The following DNAH14 variants were observed in gnomAD, a reference collection of about 807,000 sequenced individuals.
DNAH14 encodes the protein dynein axonemal heavy chain 14.
In DNAH14, 478 loss-of-function variants were observed where a neutral mutation model predicts 520.9. The ratio of observed to expected loss-of-function variants is 0.92; its 90% confidence interval spans 0.85 to 0.99. The LOEUF (loss-of-function observed/expected upper bound fraction) is 0.99, where lower values mean the gene tolerates loss of function less well. Ranked by LOEUF, DNAH14 falls within the 50% of genes least tolerant of loss-of-function variation. The probability of loss-of-function intolerance (pLI) is 0.00; values close to 1 mark genes in which losing one functional copy is unlikely to be tolerated. For synonymous variants in DNAH14, 1,581 were observed against 1,757.2 expected, an observed-to-expected ratio of 0.90 and a Z score of 2.51; for missense variants, 4,831 against 5,234.5, an observed-to-expected ratio of 0.92 and a Z score of 2.38.
In DNAH14 at chr1:224,964,551, C is replaced by T. The variant is rs41267349; in HGVS notation, c.440C>T (p.Pro147Leu). Residue 147 changes from proline to leucine, a missense_variant, in exon 5 of 86, where the codon CCG becomes CTG. By Grantham distance (98) the Pro-to-Leu change is moderately conservative (BLOSUM62 -3). Coordinates refer to ENST00000682510, the MANE Select transcript of DNAH14 (RefSeq NM_001367479.1). ...REKLGWQTIL[P>L]QHSLKYGSSK... The stretch of plus-strand genomic sequence containing the variant: ...AAGCTTGGTTGGCAAACTATATTAC[C>T]GCAGCACAGTTTGAAATACGGAAGC... 12,218 of 1,608,164 alleles carry T rather than the reference C, an allele frequency of 7.6e-3. 68 individuals carry two copies. The highest frequency in any genetic ancestry group is 8.9e-3 in the Non-Finnish European group (10,467 of 1,176,598).
In DNAH14 at chr1:225,340,708, C is replaced by A; in HGVS notation, c.10678+7C>A. On this transcript the variant is annotated splice_region_variant and intron_variant, in intron 69 of 85. Transcript: ENST00000682510. ...TTACTGCAGAAAGCACTAGGTAAGT[C>A]AAGATATTTAGTGATAGTAAGAGAT... is the stretch of plus-strand genomic sequence containing the variant. 3 of 1,549,576 alleles carry A rather than the reference C, an allele frequency of 1.9e-6. No individual in the cohort carries two copies. The South Asian group carries it at 3.6e-5, about 19-fold the overall frequency.
intron 8 of DNAH14, among the ~76,000 whole-genome samples, chr1:224,982,544 G>T (rs1237321674): frequency 6.6e-6 from 1 of 152,140 alleles, no homozygotes; most frequent in Non-Finnish European, 1.5e-5. Flanking sequence ...TAGACGGTCT[G>T]TTTGTGCTCT....
intron 9 of DNAH14, among the ~76,000 whole-genome samples, chr1:225,006,235 C>T (rs1223338707): frequency 1.3e-5 from 2 of 152,136 alleles, no homozygotes; most frequent in African/African-American, 4.8e-5. Flanking sequence ...TGTATGTCCC[C>T]TCAGGACCCT....
At chr1:225,037,600 G>A (rs1014435716) in intron 11 of DNAH14, among the ~76,000 whole-genome samples, 8 of 152,112 alleles carry the variant, frequency 5.3e-5, no homozygotes, top group African/African-American at 1.9e-4. Context: ...TTGAAAAATT[G>A]TAGTTCTTTT....
intron 21 of DNAH14, among the ~76,000 whole-genome samples, chr1:225,089,495 A>G (rs12088181): frequency 0.18 from 26,945 of 145,718 alleles, 5,455 homozygotes; most frequent in African/African-American, 0.51. Flanking sequence ...GAAAAGAAAA[A>G]AGAAAACAGA....
In DNAH14 at chr1:225,123,524, T is replaced by C. The variant is rs2077450789; in HGVS notation, c.4167-3T>C. 2.4e-6 allele frequency: 1 copy of C among 412,148 alleles called. No homozygotes were observed. The highest frequency in any genetic ancestry group is 5.0e-6 in the Non-Finnish European group (1 of 199,246). The allele number at this position is 412,148 out of a possible 1,614,324, so 25.5% of individuals were successfully genotyped here. On this transcript the variant is annotated splice_polypyrimidine_tract_variant and splice_region_variant and intron_variant, in intron 26 of 85. Coordinates refer to ENST00000682510, the MANE Select transcript of DNAH14 (RefSeq NM_001367479.1). Reference sequence around the variant, plus strand: ...TAACATAAATAAATTTTTTAATTTGTAGATTTTTAAGTCAAGGGATTGAAG... The same window carrying C: ...TAACATAAATAAATTTTTTAATTTGCAGATTTTTAAGTCAAGGGATTGAAG...
At chr1:225,130,465 T>A (rs1349406048) in intron 27 of DNAH14, among the ~76,000 whole-genome samples, 2 of 151,974 alleles carry the variant, frequency 1.3e-5, no homozygotes, top group Non-Finnish European at 2.9e-5. Flanking sequence ...GTGGCACATA[T>A]ACACCATGGA....
chr1:225,079,864 G>A (rs1026948174), intron 18 of DNAH14, among the ~76,000 whole-genome samples: 2 of 151,426 alleles, frequency 1.3e-5, no homozygotes, highest in African/African-American at 2.4e-5. Flanking sequence ...TAGTAGAGAC[G>A]AGGTTTCACC....
intron 37 of DNAH14, among the ~76,000 whole-genome samples, chr1:225,188,824 T>C (rs2085062662): frequency 6.6e-6 from 1 of 151,888 alleles, no homozygotes; most frequent in Non-Finnish European, 1.5e-5. Context: ...TGAACACAGA[T>C]GTCTTTCCAT....
rs1319969501 is a variant in DNAH14 at position 224,968,741 on chromosome 1, T to C, written c.652-18T>C. ...TTTTTAAAGAAATAAAATAATGCTT[T>C]TGTGCTTTATTTTGTAGGTTATTAA... is the stretch of plus-strand genomic sequence containing the variant. On this transcript the variant is annotated intron_variant, in intron 6 of 85. Coordinates refer to ENST00000682510, the MANE Select transcript of DNAH14 (RefSeq NM_001367479.1). 3.1e-6 allele frequency: 4 copies of C among 1,305,488 alleles called. No individual in the cohort carries two copies. The highest frequency in any genetic ancestry group is 2.0e-4 in the Middle Eastern group (1 of 4,938). 80.9% of individuals were successfully genotyped at this position (1,305,488 alleles called of 1,614,324 possible). A position where few individuals can be genotyped will look rare whatever the true frequency, so the allele number is the denominator to read the frequency against.
intron 1 of DNAH14, among the ~76,000 whole-genome samples, chr1:224,951,089 G>A (rs959175661): frequency 5.9e-5 from 9 of 151,602 alleles, no homozygotes; most frequent in East Asian, 1.9e-4. Flanking sequence ...GCAGTGGCAC[G>A]ATCTCAGCTC....
chr1:225,324,932 T>G, intron 64 of DNAH14, 100 bp downstream of exon 64: 1 of 737,938 alleles, frequency 1.4e-6, no homozygotes, highest in East Asian at 3.0e-5. Context: ...GAAATAATAA[T>G]ATAGGTAGTG....
intron 77 of DNAH14, among the ~76,000 whole-genome samples, chr1:225,368,326 T>C (rs1218719770): frequency 6.6e-6 from 1 of 152,216 alleles, no homozygotes; most frequent in East Asian, 1.9e-4. Context: ...AGACCAAATG[T>C]CAGTACTGAC....
intron 1 of DNAH14, among the ~76,000 whole-genome samples, chr1:224,930,580 T>G (rs2489357): frequency 0.096 from 14,574 of 152,226 alleles, 2,252 homozygotes; most frequent in African/African-American, 0.33. Context: ...AGTATGTTAC[T>G]TGCTTATGTA....
chr1:225,331,399 A>G, intron 64 of DNAH14, 38 bp from the exon 65 acceptor site: 1 of 1,536,636 alleles, frequency 6.5e-7, no homozygotes, highest in Non-Finnish European at 8.8e-7. Flanking sequence ...AAATGAGAGT[A>G]AGATATTTTT....
At chr1:225,381,008 A>T (rs2095774529) in intron 80 of DNAH14, among the ~76,000 whole-genome samples, 1 of 152,134 alleles carries the variant, frequency 6.6e-6, no homozygotes, top group South Asian at 2.1e-4. Context: ...TGCATTTTTT[A>T]ATGGTTAAAA....
chr1:225,336,845 G>A (rs1425340306), intron 66 of DNAH14, among the ~76,000 whole-genome samples: 1 of 152,146 alleles, frequency 6.6e-6, no homozygotes, highest in African/African-American at 2.4e-5. Flanking sequence ...TCACTATGTG[G>A]TATATATGTA....
In DNAH14 at chr1:224,966,803, C is replaced by A. The variant is rs533845296; in HGVS notation, c.499-628C>A. Reference sequence around the variant, plus strand: ...TTGGGCTCAAGTGACCTCACCTCAGCTTCCTGAGTAGTTGAGATTACAGAT... The same window carrying A: ...TTGGGCTCAAGTGACCTCACCTCAGATTCCTGAGTAGTTGAGATTACAGAT... On this transcript the variant is annotated intron_variant, in intron 5 of 85. Coordinates refer to ENST00000682510, the MANE Select transcript of DNAH14 (RefSeq NM_001367479.1). 7.9e-5 allele frequency among the ~76,000 whole-genome samples: 12 copies of A among 152,288 alleles called. No individual in the cohort carries two copies. In the East Asian group the frequency reaches 2.1e-3, roughly 27 times the overall value.
At chr1:224,948,959 A>G (rs1279827810) in intron 1 of DNAH14, among the ~76,000 whole-genome samples, 1 of 152,128 alleles carries the variant, frequency 6.6e-6, no homozygotes, top group African/African-American at 2.4e-5. Context: ...CTTTACTCAC[A>G]TATTACTTTT....
Sources: allele counts gnomAD v4.1 joint callset (sites outside exome capture counted in the v4.1 genomes callset), GRCh38; gene constraint gnomAD v4.1.1; transcripts MANE v1.5; gene names NCBI Gene and HGNC (gene_info 2026-07-23, HGNC 2026-07-21).